The following MGAT5 variants were observed in gnomAD, a reference collection of about 807,000 sequenced individuals.
MGAT5 encodes alpha-1,6-mannosylglycoprotein 6-beta-N-acetylglucosaminyltransferase A.
A neutral mutation model predicts 94.3 loss-of-function variants in MGAT5; 30 were observed. The ratio of observed to expected loss-of-function variants is 0.32; its 90% CI spans 0.24 to 0.43. The LOEUF is 0.43. Among genes scored for constraint, MGAT5 ranks in the 20% least tolerant of loss-of-function variants. The pLI is 1.00. For synonymous variants in MGAT5, 310 were observed against 322.9 expected, an observed-to-expected ratio of 0.96 and a Z score of 0.43; for missense variants, 691 against 905.5, an observed-to-expected ratio of 0.76 and a Z score of 3.04.
At chr2:134,239,223 C>T (rs1006873577) in intron 1 of MGAT5, among the ~76,000 whole-genome samples, 1 of 152,144 alleles carries the variant, frequency 6.6e-6, no homozygotes, top group Non-Finnish European at 1.5e-5. Context: ...TGGTCTCGAT[C>T]TCCTGACCTC....
At chr2:134,385,708 G>A (rs1029730385) in intron 10 of MGAT5, among the ~76,000 whole-genome samples, 12 of 152,062 alleles carry the variant, frequency 7.9e-5, no homozygotes, top group Non-Finnish European at 1.5e-4. Flanking sequence ...AAATACATAC[G>A]AAACATACAT....
intron 1 of MGAT5, among the ~76,000 whole-genome samples, chr2:134,186,380 C>CTT (rs201791165): frequency 7.4e-6 from 1 of 136,014 alleles, no homozygotes; most frequent in Non-Finnish European, 1.6e-5. Flanking sequence ...GGAGTCGTTT[C>CTT]TTTTTTTTTT....
chr2:134,152,389 C>A (rs1388737050), intron 1 of MGAT5, among the ~76,000 whole-genome samples: 4 of 132,408 alleles, frequency 3.0e-5, no homozygotes, highest in South Asian at 2.6e-4. Flanking sequence ...CGCCATGGGA[C>A]CTCACTCACG....
Position 134,402,973 on chromosome 2 carries a change from T to G in MGAT5, c.1381-15T>G, listed in dbSNP as rs915621206. 3 of 1,578,382 alleles carry G rather than the reference T, an allele frequency of 1.9e-6. No homozygotes were observed. The highest frequency in any genetic ancestry group is 2.6e-6 in the Non-Finnish European group (3 of 1,166,616). On this transcript the variant is annotated splice_polypyrimidine_tract_variant and intron_variant, in intron 10 of 15. Coordinates refer to ENST00000281923, the MANE Select transcript of MGAT5 (RefSeq NM_002410.5). ...AAGAAAAAGAGAAATGTCTTGTGCTTGTTTTCTTCTTTAGAATAAGAAGAT... is the reference window on the plus strand; with the variant it reads ...AAGAAAAAGAGAAATGTCTTGTGCTGGTTTTCTTCTTTAGAATAAGAAGAT...
rs1457202206 is a variant in MGAT5, at chr2:134,169,001, A to G, written c.-143+48710A>G. 2.6e-5 allele frequency among the ~76,000 whole-genome samples: 4 copies of G among 152,286 alleles called. No individual in the cohort carries two copies. In the South Asian group the frequency reaches 6.2e-4, roughly 24 times the overall value. On this transcript the variant is annotated intron_variant, in intron 1 of 16. Transcript: ENST00000409645. ...GAGATGTGAGACCTGCAGGTCTGGA[A>G]TTGCCCACCTTTGTCCTGTGCCATT...
At chr2:134,120,130 C>G (rs1387674634), upstream of MGAT5, 1 of 153,394 alleles carries the variant, frequency 6.5e-6, no homozygotes, top group African/African-American at 2.4e-5. Flanking sequence ...CTGCCGCGGC[C>G]CGCTCGGCGG....
At chr2:134,164,800 C>A (rs1687889026) in intron 1 of MGAT5, among the ~76,000 whole-genome samples, 1 of 151,126 alleles carries the variant, frequency 6.6e-6, no homozygotes, top group South Asian at 2.1e-4. Context: ...TGTGAATAGC[C>A]ACTCTGTTCC....
intron 10 of MGAT5, among the ~76,000 whole-genome samples, chr2:134,380,977 C>T (rs908089065): frequency 3.3e-5 from 5 of 152,098 alleles, no homozygotes; most frequent in Admixed American, 6.6e-5. Flanking sequence ...GAAAAATAAA[C>T]GTAGAGAAAC....
At chr2:134,196,212 A>G (rs1160428232) in intron 1 of MGAT5, among the ~76,000 whole-genome samples, 1 of 152,180 alleles carries the variant, frequency 6.6e-6, no homozygotes, top group African/African-American at 2.4e-5. Context: ...AGAAGTGGAA[A>G]TTTTTGTGGA....
intron 10 of MGAT5, among the ~76,000 whole-genome samples, chr2:134,371,778 A>G (rs983727349): frequency 6.6e-6 from 1 of 152,106 alleles, no homozygotes. Flanking sequence ...GTTCCAAGCA[A>G]TAGCTTGGTT....
chr2:134,341,515 A>G (rs531491548), intron 6 of MGAT5, 75 bp from the exon 7 acceptor site: 7 of 1,270,634 alleles, frequency 5.5e-6, no homozygotes, highest in Middle Eastern at 2.0e-4. Flanking sequence ...GGATTGGTCA[A>G]TCATTTCTTG....
chr2:134,245,075 C>T (rs984476446), intron 1 of MGAT5, among the ~76,000 whole-genome samples: 5 of 152,300 alleles, frequency 3.3e-5, no homozygotes, highest in Admixed American at 6.5e-5. Context: ...TGCAGTGGCG[C>T]GATCTCGGCT....
At chr2:134,325,988 T>C (rs1321357876) in intron 4 of MGAT5, among the ~76,000 whole-genome samples, 1 of 151,886 alleles carries the variant, frequency 6.6e-6, no homozygotes, top group African/African-American at 2.4e-5. Context: ...ATTTCATGGA[T>C]AATGGTATTA....
chr2:134,228,439 C>T (rs1681176421), intron 1 of MGAT5, among the ~76,000 whole-genome samples: 1 of 152,140 alleles, frequency 6.6e-6, no homozygotes, highest in Non-Finnish European at 1.5e-5. Context: ...TGTTTTTCTC[C>T]CGGATAAATA....
At chr2:134,245,254 C>T (rs573394719) in intron 1 of MGAT5, among the ~76,000 whole-genome samples, 10 of 152,300 alleles carry the variant, frequency 6.6e-5, no homozygotes, top group South Asian at 2.1e-4. Flanking sequence ...CCTCGTGATC[C>T]GCCCCCTCGG....
At chr2:134,381,597 AATAG>A (rs1229443206) in intron 10 of MGAT5, among the ~76,000 whole-genome samples, 3 of 150,696 alleles carry the variant, frequency 2.0e-5, no homozygotes, top group Non-Finnish European at 3.0e-5. Context: ...CTGTCTCTAA[AATAG>A]ATAGACAGAC....
chr2:134,272,713 G>C (rs1325688329), intron 2 of MGAT5, among the ~76,000 whole-genome samples: 2 of 152,218 alleles, frequency 1.3e-5, no homozygotes, highest in Non-Finnish European at 2.9e-5. Context: ...CACAGGTTTT[G>C]TTGAGTTTAA....
At chr2:134,241,917 T>C (rs1408238287) in intron 1 of MGAT5, among the ~76,000 whole-genome samples, 1 of 152,226 alleles carries the variant, frequency 6.6e-6, no homozygotes, top group Non-Finnish European at 1.5e-5. Context: ...TTGAAAGACT[T>C]TCAGGGGCTA....
chr2:134,191,087 C>T (rs1689351359), intron 1 of MGAT5, among the ~76,000 whole-genome samples: 1 of 152,358 alleles, frequency 6.6e-6, no homozygotes, highest in Non-Finnish European at 1.5e-5. Context: ...CCCCGCCAGT[C>T]CCTGGCACCG....
Sources: allele counts gnomAD v4.1 joint callset (sites outside exome capture counted in the v4.1 genomes callset), GRCh38; gene constraint gnomAD v4.1.1; transcripts MANE v1.5; gene names NCBI Gene and HGNC (gene_info 2026-07-23, HGNC 2026-07-21).